AKAP12: variants seen among roughly 807,000 people sequenced by gnomAD.
The protein encoded by AKAP12 is A-kinase anchor protein 12.
Under a neutral mutation model 79.9 loss-of-function variants are expected in AKAP12, and 32 were observed. The ratio of observed to expected loss-of-function variants is 0.40; its 90% confidence interval spans 0.30 to 0.54. The LOEUF (loss-of-function observed/expected upper bound fraction) is 0.54, where lower values mean the gene tolerates loss of function less well. Ranked by LOEUF, AKAP12 falls within the 20% of genes least tolerant of loss-of-function variation. The pLI, the probability that AKAP12 is intolerant of heterozygous loss-of-function variation, is 0.48. For missense variants in AKAP12, 2,074 were observed against 2,177.0 expected (o/e 0.95, Z 0.94); for synonymous variants, 808 against 857.0 (o/e 0.94, Z 1.00).
intron 3 of AKAP12, among the ~76,000 whole-genome samples, chr6:151,310,696 C>G (rs1777078908): frequency 6.6e-6 from 1 of 152,060 alleles, no homozygotes; most frequent in Non-Finnish European, 1.5e-5. Flanking sequence ...AAAGCAACAC[C>G]TTATTTATTT....
intron 2 of AKAP12, among the ~76,000 whole-genome samples, chr6:151,244,124 A>G (rs1183052818): frequency 6.6e-6 from 1 of 152,206 alleles, no homozygotes; most frequent in African/African-American, 2.4e-5. Context: ...TGTTAGCTCC[A>G]TTTGATTACA....
Position 151,262,980 on chromosome 6 carries a change from T to C in AKAP12, c.162+22256T>C, listed in dbSNP as rs553385636. Among the ~76,000 whole-genome samples, 3 of 152,332 alleles carry C rather than the reference T, an allele frequency of 2.0e-5. No homozygotes were observed. In the East Asian group the frequency reaches 5.8e-4, roughly 29 times the overall value. On this transcript the variant is annotated intron_variant, in intron 2 of 4. Coordinates refer to ENST00000402676, the MANE Select transcript of AKAP12 (RefSeq NM_005100.4). ...TTCAAGCACATTTTCTTTGCCTGCA[T>C]GTAAAAGGTAGTTGATTAGCTGAAG...
chr6:151,267,014 CAAAAAAAAA>C (rs34974747), intron 2 of AKAP12, among the ~76,000 whole-genome samples: 4 of 35,338 alleles, frequency 1.1e-4, no homozygotes, highest in African/African-American at 3.0e-4. Flanking sequence ...GACTCCATCT[CAAAAAAAAA>C]AAAAAAAAAA....
chr6:151,307,959 G>A (rs1367583483), intron 3 of AKAP12, among the ~76,000 whole-genome samples: 2 of 152,004 alleles, frequency 1.3e-5, no homozygotes, highest in Non-Finnish European at 2.9e-5. Flanking sequence ...CTGCCTCCCC[G>A]CGCACATCCC....
chr6:151,323,297 T>C (rs1777444066), intron 3 of AKAP12, among the ~76,000 whole-genome samples: 1 of 152,176 alleles, frequency 6.6e-6, no homozygotes, highest in African/African-American at 2.4e-5. Context: ...ATGCCTGTAG[T>C]CCCAGCGCTT....
chr6:151,256,680 C>T (rs1324788639), intron 2 of AKAP12, among the ~76,000 whole-genome samples: 6 of 151,820 alleles, frequency 4.0e-5, no homozygotes, highest in Non-Finnish European at 8.8e-5. Flanking sequence ...GATGAAGTCT[C>T]ACTCTGTCAC....
chr6:151,248,936 G>A (rs1449449919), intron 2 of AKAP12, among the ~76,000 whole-genome samples: 13 of 152,020 alleles, frequency 8.6e-5, no homozygotes, highest in African/African-American at 2.7e-4. Flanking sequence ...GCAGTGAGCC[G>A]AGACCGCATC....
At chr6:151,257,064 T>C (rs1255050229) in intron 2 of AKAP12, among the ~76,000 whole-genome samples, 2 of 152,004 alleles carry the variant, frequency 1.3e-5, no homozygotes, top group Admixed American at 1.3e-4. Context: ...TAATTTCGCT[T>C]TTATTTTAGA....
Position 151,349,136 on chromosome 6 carries a change from C to T in AKAP12, c.745C>T (p.His249Tyr). The T allele has an allele frequency of 6.2e-7, 1 of 1,613,784 alleles. No homozygotes were observed. The highest frequency in any genetic ancestry group is 8.5e-7 in the Non-Finnish European group (1 of 1,180,004). Residue 249 changes from histidine to tyrosine, a missense_variant, in exon 4 of 5, where the codon CAC (histidine) becomes TAC (tyrosine). This residue lies in a region of AKAP12 where 1,428 missense variants were observed against 1,451.0 expected (regional missense o/e 0.98). Coordinates refer to ENST00000402676, the MANE Select transcript of AKAP12 (RefSeq NM_005100.4). ...PEETLKREQS[H>Y]AEISPPAESG... ...AGAGACCCTGAAGCGTGAGCAAAGC[C>T]ACGCAGAAATTTCTCCCCCAGCCGA...
intron 3 of AKAP12, among the ~76,000 whole-genome samples, chr6:151,312,914 G>T (rs1333124757): frequency 6.6e-6 from 1 of 152,084 alleles, no homozygotes; most frequent in African/African-American, 2.4e-5. Context: ...AATCCTCTGA[G>T]CCTGGACCAG....
intron 3 of AKAP12, among the ~76,000 whole-genome samples, chr6:151,327,248 T>C (rs961318719): frequency 6.6e-6 from 1 of 152,106 alleles, no homozygotes; most frequent in African/African-American, 2.4e-5. Context: ...ACTAAAATTA[T>C]CTCTCACTTC....
chr6:151,289,391 A>G (rs1250884125), intron 2 of AKAP12, among the ~76,000 whole-genome samples: 7 of 152,204 alleles, frequency 4.6e-5, no homozygotes, highest in Admixed American at 3.3e-4. Context: ...GTTATGTAGT[A>G]GTGAATATTC....
intron 2 of AKAP12, among the ~76,000 whole-genome samples, chr6:151,272,058 T>C (rs1469074867): frequency 6.6e-6 from 1 of 152,140 alleles, no homozygotes; most frequent in East Asian, 1.9e-4. Flanking sequence ...AATTGGGTCC[T>C]GGCCAGGCAT....
chr6:151,268,239 A>G (rs1776094367), intron 2 of AKAP12, among the ~76,000 whole-genome samples: 1 of 152,092 alleles, frequency 6.6e-6, no homozygotes, highest in Non-Finnish European at 1.5e-5. Context: ...ATGGAGATGT[A>G]TTTTTGTATT....
At chr6:151,340,586 T>C (rs1208687789) in intron 3 of AKAP12, among the ~76,000 whole-genome samples, 1 of 150,784 alleles carries the variant, frequency 6.6e-6, no homozygotes, top group Non-Finnish European at 1.5e-5. Context: ...CATAAGGCTC[T>C]GTAAGTGATG....
chr6:151,343,174 G>GA (rs1413450186), intron 3 of AKAP12, among the ~76,000 whole-genome samples: 1 of 152,114 alleles, frequency 6.6e-6, no homozygotes, highest in Non-Finnish European at 1.5e-5. Context: ...GTTTCCAATG[G>GA]AAACACAGAT....
In AKAP12 at chr6:151,328,285, G is replaced by A. The variant is rs547090571; in HGVS notation, c.320-20426G>A. Among the ~76,000 whole-genome samples, 41 of 141,954 alleles carry A rather than the reference G, an allele frequency of 2.9e-4. No individual in the cohort carries two copies. In the South Asian group the frequency reaches 6.5e-3, roughly 22 times the overall value. 93.1% of individuals were successfully genotyped at this position (141,954 alleles called of 152,430 possible). The stretch of plus-strand genomic sequence containing the variant: ...AGAGCTTGCAGTGAGCCGAGATCGC[G>A]CCTCTGCACTCCAGCCTGGGCGACA... On this transcript the variant is annotated intron_variant, in intron 3 of 4. Coordinates refer to ENST00000402676, the MANE Select transcript of AKAP12 (RefSeq NM_005100.4).
At chr6:151,282,042 G>A (rs1776420070) in intron 2 of AKAP12, among the ~76,000 whole-genome samples, 1 of 151,580 alleles carries the variant, frequency 6.6e-6, no homozygotes, top group Non-Finnish European at 1.5e-5. Flanking sequence ...GGAGCGGGCT[G>A]TCCTCTTCCC....
chr6:151,286,288 A>T (rs941653133), intron 2 of AKAP12, among the ~76,000 whole-genome samples: 4 of 152,232 alleles, frequency 2.6e-5, no homozygotes, highest in African/African-American at 9.6e-5. Context: ...CATCAGGCTG[A>T]AAGCATTTTC....
Sources: allele counts gnomAD v4.1 joint callset (sites outside exome capture counted in the v4.1 genomes callset), GRCh38; gene constraint gnomAD v4.1.1; regional missense constraint gnomAD v4.1.1; transcripts MANE v1.5; gene names NCBI Gene and HGNC (gene_info 2026-07-23, HGNC 2026-07-21).